CCDC146: variants seen among roughly 807,000 people sequenced by gnomAD.
CCDC146 encodes the protein coiled-coil domain-containing protein 146.
In CCDC146, 92 loss-of-function variants were observed where a neutral mutation model predicts 119.3. The observed-to-expected ratio is 0.77, with a 90% CI of 0.65 to 0.92. The LOEUF is 0.92. CCDC146 is among the 40% of genes least tolerant of loss of function. The pLI is 0.00. For missense variants in CCDC146, 1,000 were observed against 1,103.0 expected (o/e 0.91, Z 1.32); for synonymous variants, 372 against 371.8 (o/e 1.00, Z -0.01).
At chr7:77,223,838 G>A (rs1259531703) in intron 2 of CCDC146, among the ~76,000 whole-genome samples, 1 of 152,196 alleles carries the variant, frequency 6.6e-6, no homozygotes, top group Non-Finnish European at 1.5e-5. Flanking sequence ...AGTCTAATGG[G>A]GGGGTAAATG....
intron 2 of CCDC146, among the ~76,000 whole-genome samples, chr7:77,186,426 A>G (rs1791667533): frequency 6.6e-6 from 1 of 152,056 alleles, no homozygotes. Context: ...TATTTATGGG[A>G]GATAAAAATT....
Position 77,274,513 on chromosome 7 carries a change from T to C in CCDC146, c.1301T>C (p.Val434Ala), listed in dbSNP as rs776001416. The C allele has an allele frequency of 6.3e-6, 10 of 1,599,836 alleles. No individual in the cohort carries two copies. Among genetic ancestry groups the C allele is most frequent in the Non-Finnish European group, 8.5e-6 (10 of 1,173,554 alleles). Reference protein sequence around the residue: ...KIISEMESKLVEQQLAEENKL... With the variant: ...KIISEMESKLAEQQLAEENKL... The stretch of plus-strand genomic sequence containing the variant: ...ATATCAGAAATGGAGTCTAAGTTAG[T>C]AGAACAACAACTTGCAGAAGAAAAC... The change falls in exon 11 of 19, where the codon GTA becomes GCA. Residue 434 changes from valine (V) to alanine (A), a missense_variant. Around this residue, in one of 2 missense-constraint regions of CCDC146, gnomAD observed 985 missense variants for 1,045.3 expected, o/e 0.94. Transcript: ENST00000285871.
At chr7:77,155,842 G>T (rs2117455044) in intron 1 of CCDC146, among the ~76,000 whole-genome samples, 1 of 152,252 alleles carries the variant, frequency 6.6e-6, no homozygotes, top group Admixed American at 6.5e-5. Flanking sequence ...CCTCATGTAA[G>T]GTGCTGCCCC....
At chr7:77,146,076 G>T (rs541848401) in intron 1 of CCDC146, among the ~76,000 whole-genome samples, 22 of 151,926 alleles carry the variant, frequency 1.4e-4, no homozygotes, top group African/African-American at 5.1e-4. Flanking sequence ...GGTCACTCAG[G>T]ACTTGCTTTA....
intron 2 of CCDC146, among the ~76,000 whole-genome samples, chr7:77,207,283 A>C (rs887834): frequency 0.45 from 67,710 of 151,992 alleles, 17,598 homozygotes; most frequent in African/African-American, 0.72. Context: ...TTGTATGATT[A>C]AAGACATTTT....
At chr7:77,208,160 A>G (rs1792114268) in intron 2 of CCDC146, among the ~76,000 whole-genome samples, 1 of 152,194 alleles carries the variant, frequency 6.6e-6, no homozygotes, top group South Asian at 2.1e-4. Context: ...ACTTTGCCAC[A>G]TCATTAGGTT....
chr7:77,158,253 C>T (rs534099572), intron 1 of CCDC146, among the ~76,000 whole-genome samples: 1 of 152,198 alleles, frequency 6.6e-6, no homozygotes, highest in East Asian at 1.9e-4. Context: ...TATAGGAAAA[C>T]TCAATAAATA....
At chr7:77,285,443 G>A (rs7780949) in intron 15 of CCDC146, among the ~76,000 whole-genome samples, 57,774 of 152,054 alleles carry the variant, frequency 0.38, 13,069 homozygotes, top group African/African-American at 0.63. Flanking sequence ...GTCAGCATTT[G>A]TAATTATTTT....
chr7:77,239,977 A>G (rs1378598855), intron 3 of CCDC146, among the ~76,000 whole-genome samples: 3 of 152,240 alleles, frequency 2.0e-5, no homozygotes, highest in Non-Finnish European at 2.9e-5. Context: ...AGAATCAGAA[A>G]TCTGTAAATT....
In CCDC146 at chr7:77,259,029, A is replaced by G. The variant is rs151087013; in HGVS notation, c.719A>G (p.Gln240Arg). 2.5e-6 allele frequency: 4 copies of G among 1,612,592 alleles called. No homozygotes were observed. Among genetic ancestry groups the G allele is most frequent in the Non-Finnish European group, 3.4e-6 (4 of 1,178,920 alleles). ...EVAHHQTIPV[Q>R]IGKEIEKITR... ...GCCCACCATCAAACCATTCCAGTAC[A>G]AATTGGAAAAGAGATAGAAAAAATA... Residue 240 changes from glutamine to arginine, a missense_variant, in exon 7 of 19, where the codon CAA (glutamine) becomes CGA (arginine). Gln to Arg is a conservative substitution (Grantham distance 43, BLOSUM62 1). This residue lies in a region of CCDC146 where 985 missense variants were observed against 1,045.3 expected (regional missense o/e 0.94). Coordinates refer to ENST00000285871, the MANE Select transcript of CCDC146 (RefSeq NM_020879.3).
At chr7:77,158,397 G>A (rs1449311156) in intron 1 of CCDC146, among the ~76,000 whole-genome samples, 1 of 151,980 alleles carries the variant, frequency 6.6e-6, no homozygotes, top group Non-Finnish European at 1.5e-5. Context: ...ACCGTAGCCT[G>A]AGAATATACT....
At chr7:77,187,498 TGA>T (rs1791687275) in intron 2 of CCDC146, among the ~76,000 whole-genome samples, 1 of 152,200 alleles carries the variant, frequency 6.6e-6, no homozygotes, top group South Asian at 2.1e-4. Flanking sequence ...CTCACTTAGG[TGA>T]GAGTGTGACC....
intron 11 of CCDC146, among the ~76,000 whole-genome samples, chr7:77,277,829 A>C (rs1793678066): frequency 1.4e-5 from 1 of 73,494 alleles, no homozygotes; most frequent in Non-Finnish European, 2.5e-5. Context: ...AAGGCTGACA[A>C]ACTCTTTCCT....
chr7:77,157,704 G>A (rs146746391), intron 1 of CCDC146, among the ~76,000 whole-genome samples: 1,880 of 152,264 alleles, frequency 0.012, 37 homozygotes, highest in African/African-American at 0.043. Context: ...CCTCCTTCCA[G>A]TGGGGGCTGC....
intron 4 of CCDC146, among the ~76,000 whole-genome samples, chr7:77,253,503 G>A (rs190072245): frequency 2.6e-5 from 4 of 152,264 alleles, no homozygotes; most frequent in South Asian, 2.1e-4. Flanking sequence ...ATGCATGCCC[G>A]TATCTCATTC....
chr7:77,142,967 C>G (rs888176893), intron 1 of CCDC146, among the ~76,000 whole-genome samples: 5 of 151,822 alleles, frequency 3.3e-5, no homozygotes, highest in African/African-American at 9.7e-5. Flanking sequence ...ATTTCTAGTT[C>G]TAGATCCTTG....
intron 2 of CCDC146, chr7:77,193,402 CA>C (rs1348931672): frequency 7.9e-5 from 12 of 152,072 alleles, no homozygotes; most frequent in African/African-American, 2.9e-4. Flanking sequence ...TTAATATTTC[CA>C]CATTGAAGAA....
At chr7:77,157,243 C>T (rs990977229) in intron 1 of CCDC146, among the ~76,000 whole-genome samples, 1 of 112,202 alleles carries the variant, frequency 8.9e-6, no homozygotes, top group African/African-American at 3.8e-5. Flanking sequence ...AAATCATGTT[C>T]AACTTTACAT....
intron 1 of CCDC146, among the ~76,000 whole-genome samples, chr7:77,162,405 G>A (rs928277447): frequency 6.6e-6 from 1 of 152,194 alleles, no homozygotes; most frequent in Non-Finnish European, 1.5e-5. Context: ...AAGAATCTAT[G>A]TTGTGCATTC....
Sources: allele counts gnomAD v4.1 joint callset (sites outside exome capture counted in the v4.1 genomes callset), GRCh38; gene constraint gnomAD v4.1.1; regional missense constraint gnomAD v4.1.1; transcripts MANE v1.5; gene names NCBI Gene and HGNC (gene_info 2026-07-23, HGNC 2026-07-21).